PLCB1: variants seen among roughly 807,000 people sequenced by gnomAD.
PLCB1 encodes the protein phospholipase C beta 1.
A neutral mutation model predicts 161.8 loss-of-function variants in PLCB1; 46 were observed. The observed-to-expected ratio is 0.28, with a 90% CI of 0.22 to 0.36. PLCB1 has a LOEUF of 0.36. Ranked by LOEUF, PLCB1 falls within the 10% of genes least tolerant of loss-of-function variation. PLCB1 has a pLI of 1.00. For missense variants in PLCB1, 1,016 were observed against 1,472.5 expected (o/e 0.69, Z 5.07); for synonymous variants, 517 against 503.7 (o/e 1.03, Z -0.35).
At chr20:8,291,614 T>A (rs1392288815) in intron 2 of PLCB1, among the ~76,000 whole-genome samples, 1 of 152,210 alleles carries the variant, frequency 6.6e-6, no homozygotes, top group East Asian at 1.9e-4. Context: ...TTCAACTTCT[T>A]GTGTTTTGTT....
intron 10 of PLCB1, among the ~76,000 whole-genome samples, 168 bp downstream of exon 10, chr20:8,685,246 A>C (rs1478403759): frequency 6.6e-6 from 1 of 152,182 alleles, no homozygotes; most frequent in African/African-American, 2.4e-5. Context: ...ATAAGCAGTC[A>C]TGTCCACATG....
intron 6 of PLCB1, among the ~76,000 whole-genome samples, chr20:8,648,347 G>C (rs567478954): frequency 6.6e-6 from 1 of 152,270 alleles, no homozygotes; most frequent in Non-Finnish European, 1.5e-5. Context: ...ACTGGAGCCA[G>C]GCAGGGAATG....
Position 8,567,384 on chromosome 20 carries a change from GC to G in PLCB1, c.247-60908del, listed in dbSNP as rs1444690110. The stretch of plus-strand genomic sequence containing the variant: ...TCTACTTGACCACTAACAGTTTTTA[GC>G]CTAAATTATCCGGATACCCAAGTCT... On this transcript the variant is annotated intron_variant, in intron 3 of 31. Transcript: ENST00000338037. Among the ~76,000 whole-genome samples, 53 of 152,012 alleles carry G rather than the reference GC, an allele frequency of 3.5e-4. 1 individual carries two copies. Among genetic ancestry groups the G allele is most frequent in the Non-Finnish European group, 8.8e-5 (6 of 67,978 alleles).
intron 10 of PLCB1, among the ~76,000 whole-genome samples, chr20:8,694,437 T>C (rs996892597): frequency 1.3e-5 from 2 of 152,202 alleles, no homozygotes; most frequent in Admixed American, 6.5e-5. Context: ...TCAGTTTTTT[T>C]CCCCACATTC....
intron 2 of PLCB1, among the ~76,000 whole-genome samples, chr20:8,229,447 A>C (rs542706052): frequency 6.6e-6 from 1 of 152,190 alleles, no homozygotes; most frequent in Non-Finnish European, 1.5e-5. Flanking sequence ...ATAGATCCAC[A>C]GTCCAATACT....
At position 8,174,007 on chromosome 20, in the gene PLCB1, A is replaced by G. The variant is rs1473920698; in HGVS notation, c.177+23636A>G. ...CTGAGCTCCGGGGACCTGTGGAACAATAACAAAATTTCTAAGATTTCTATC... is the reference window on the plus strand; with the variant it reads ...CTGAGCTCCGGGGACCTGTGGAACAGTAACAAAATTTCTAAGATTTCTATC... On this transcript the variant is annotated intron_variant, in intron 2 of 31. Coordinates refer to ENST00000338037, the MANE Select transcript of PLCB1 (RefSeq NM_015192.4). Among the ~76,000 whole-genome samples, 3 of 152,202 alleles carry G rather than the reference A, an allele frequency of 2.0e-5. No homozygotes were observed. In the East Asian group the frequency reaches 5.8e-4, roughly 29 times the overall value.
At chr20:8,645,595 A>G (rs149024086) in intron 4 of PLCB1, among the ~76,000 whole-genome samples, 8 of 152,170 alleles carry the variant, frequency 5.3e-5, no homozygotes, top group Non-Finnish European at 1.2e-4. Flanking sequence ...CAGTGTTGGG[A>G]GAAGGGAGAA....
intron 2 of PLCB1, among the ~76,000 whole-genome samples, chr20:8,369,529 T>C (rs1451383992): frequency 6.6e-6 from 1 of 152,222 alleles, no homozygotes; most frequent in Non-Finnish European, 1.5e-5. Context: ...TTTTCTGAAG[T>C]GAAGCATTGA....
intron 4 of PLCB1, among the ~76,000 whole-genome samples, chr20:8,629,861 CTTTCTTTCTTTCTT>C (rs1568535993): frequency 5.4e-5 from 5 of 92,066 alleles, no homozygotes; most frequent in African/African-American, 2.4e-4. Context: ...TTCTTTCTTT[CTTTCTTTCTTTCTT>C]TCTCTCTCTC....
chr20:8,238,994 T>C (rs1021067696), intron 2 of PLCB1, among the ~76,000 whole-genome samples: 1 of 151,796 alleles, frequency 6.6e-6, no homozygotes, highest in African/African-American at 2.4e-5. Flanking sequence ...CTAGAGCATG[T>C]CTTTAGGTAG....
At chr20:8,614,167 CTATTA>C (rs1465446471) in intron 3 of PLCB1, among the ~76,000 whole-genome samples, 2 of 151,954 alleles carry the variant, frequency 1.3e-5, no homozygotes, top group African/African-American at 4.8e-5. Context: ...ACAAGATATT[CTATTA>C]TTTTTCAGCA....
intron 3 of PLCB1, among the ~76,000 whole-genome samples, chr20:8,621,650 T>C (rs1988188258): frequency 2.0e-5 from 3 of 152,334 alleles, no homozygotes; most frequent in African/African-American, 7.2e-5. Context: ...CAAGGTAACT[T>C]GAATGAGTGC....
At chr20:8,397,980 G>T (rs933617080) in intron 3 of PLCB1, among the ~76,000 whole-genome samples, 1 of 151,586 alleles carries the variant, frequency 6.6e-6, no homozygotes, top group African/African-American at 2.4e-5. Context: ...TCCTAGATTT[G>T]TTTGTTTTGC....
chr20:8,773,305 G>C (rs920938879), intron 26 of PLCB1, among the ~76,000 whole-genome samples: 3 of 152,172 alleles, frequency 2.0e-5, no homozygotes, highest in Non-Finnish European at 4.4e-5. Flanking sequence ...TTCGGGAAGG[G>C]ATTCCATATA....
Position 8,543,620 on chromosome 20 carries a change from CAA to C in PLCB1, c.247-84660_247-84659del, listed in dbSNP as rs60587265. On this transcript the variant is annotated intron_variant, in intron 3 of 31. Transcript: ENST00000338037. ...TTTGTAAACTACTTCCAAAGAGTTC[CAA>C]AAAAAAAAAAAAACCTGTTGGACAC... Among the ~76,000 whole-genome samples the C allele has an allele frequency of 3.9e-5, 5 of 129,556 alleles. 1 individual carries two copies. The highest frequency in any genetic ancestry group is 5.0e-4 in the South Asian group (2 of 4,020). 85.0% of individuals were successfully genotyped at this position (129,556 alleles called of 152,430 possible).
intron 3 of PLCB1, among the ~76,000 whole-genome samples, chr20:8,617,044 A>G (rs1164349774): frequency 6.6e-6 from 1 of 152,160 alleles, no homozygotes; most frequent in Non-Finnish European, 1.5e-5. Flanking sequence ...AGAAAGCCAG[A>G]TGGGAGCTAA....
intron 31 of PLCB1, among the ~76,000 whole-genome samples, chr20:8,874,815 G>A (rs1416101028): frequency 2.0e-5 from 3 of 151,914 alleles, no homozygotes; most frequent in South Asian, 2.1e-4. Context: ...ATATCTTAGT[G>A]TATTCATTCT....
intron 3 of PLCB1, among the ~76,000 whole-genome samples, chr20:8,444,694 A>C (rs1210852527): frequency 6.6e-6 from 1 of 152,148 alleles, no homozygotes; most frequent in Non-Finnish European, 1.5e-5. Flanking sequence ...GTTTCTCCAC[A>C]TCCTCTCCAG....
chr20:8,232,332 TTAAGA>T, intron 2 of PLCB1, among the ~76,000 whole-genome samples: 1 of 152,282 alleles, frequency 6.6e-6, no homozygotes, highest in East Asian at 1.9e-4. Context: ...CATTAGCATC[TTAAGA>T]TAAAGATAGA....
Sources: gnomAD v4.1 joint callset for allele counts (sites outside exome capture counted in the v4.1 genomes callset) on GRCh38, gnomAD v4.1.1 for gene constraint, MANE v1.5 for transcripts, NCBI Gene and HGNC (gene_info 2026-07-23, HGNC 2026-07-21) for gene names.